The following NTRK3 variants were observed in gnomAD, a reference collection of about 807,000 sequenced individuals.
NTRK3 encodes NT-3 growth factor receptor.
In NTRK3, 24 loss-of-function variants were observed where a neutral mutation model predicts 91.7. That is an observed-to-expected ratio of 0.26 (90% confidence interval 0.19 to 0.37). The LOEUF is 0.37. NTRK3 is among the 10% of genes least tolerant of loss of function. The pLI, the probability that NTRK3 is intolerant of heterozygous loss-of-function variation, is 1.00. For missense variants in NTRK3, 880 were observed against 1,068.9 expected, an observed-to-expected ratio of 0.82 and a Z score of 2.46; for synonymous variants, 483 against 404.0, an observed-to-expected ratio of 1.20 and a Z score of -2.34.
At chr15:88,201,992 C>T (rs927158819) in intron 3 of NTRK3, among the ~76,000 whole-genome samples, 1 of 151,164 alleles carries the variant, frequency 6.6e-6, no homozygotes, top group African/African-American at 2.5e-5. Flanking sequence ...GGTGCCCTTC[C>T]AACAGGTCTG....
At chr15:88,049,410 A>C (rs970090686) in intron 13 of NTRK3, among the ~76,000 whole-genome samples, 1 of 152,146 alleles carries the variant, frequency 6.6e-6, no homozygotes, top group Non-Finnish European at 1.5e-5. Context: ...TAAAAACCCC[A>C]CAGTGTTTTA....
At chr15:88,148,982 T>C (rs917558109) in intron 5 of NTRK3, among the ~76,000 whole-genome samples, 1 of 152,176 alleles carries the variant, frequency 6.6e-6, no homozygotes, top group Non-Finnish European at 1.5e-5. Context: ...AAGGATCACA[T>C]GGAGGCGATG....
At chr15:88,113,846 A>T (rs1445502679) in intron 13 of NTRK3, among the ~76,000 whole-genome samples, 1 of 128,704 alleles carries the variant, frequency 7.8e-6, no homozygotes, top group Non-Finnish European at 1.7e-5. Flanking sequence ...CTGCTCTTTT[A>T]TGAAAAAGTT....
chr15:88,153,790 G>A (rs1043662878), intron 5 of NTRK3, among the ~76,000 whole-genome samples: 5 of 151,630 alleles, frequency 3.3e-5, no homozygotes, highest in Admixed American at 1.3e-4. Flanking sequence ...TAGCTCTCGG[G>A]GGCCTCTTTT....
intron 13 of NTRK3, among the ~76,000 whole-genome samples, chr15:88,104,751 T>G (rs904621723): frequency 1.3e-5 from 2 of 152,132 alleles, no homozygotes; most frequent in Non-Finnish European, 2.9e-5. Flanking sequence ...TCAGGGGCAG[T>G]GAGGAGAAGG....
chr15:88,054,520 G>A (rs2045515990), intron 13 of NTRK3, among the ~76,000 whole-genome samples: 1 of 152,126 alleles, frequency 6.6e-6, no homozygotes, highest in Non-Finnish European at 1.5e-5. Flanking sequence ...CTTGCAAAAT[G>A]AGCAACTCAA....
chr15:88,024,583 G>C (rs2077868808), intron 14 of NTRK3, among the ~76,000 whole-genome samples: 1 of 152,224 alleles, frequency 6.6e-6, no homozygotes, highest in Non-Finnish European at 1.5e-5. Flanking sequence ...CAGCCAGGGA[G>C]GATGTAGGAC....
rs752675785 is a variant in NTRK3 at position 88,136,477 on chromosome 15, T to C, written c.755A>G (p.Asn252Ser). The change falls in exon 8 of 19, where the codon AAC (asparagine) becomes AGC (serine). Residue 252 changes from asparagine to serine, a missense_variant. Asn to Ser is a conservative substitution (Grantham distance 46). Transcript: ENST00000394480. ...GCCCAGGATGCCTACCTGGTGAGTG[T>C]TGATGGACTGCAGCCCAGTGACTAT... is the stretch of plus-strand genomic sequence containing the variant. 11 of 1,614,130 alleles carry C rather than the reference T, an allele frequency of 6.8e-6. No homozygotes were observed. The highest frequency in any genetic ancestry group is 1.1e-5 in the South Asian group (1 of 91,072).
chr15:87,894,728 G>A (rs200296463), intron 17 of NTRK3, among the ~76,000 whole-genome samples: 2 of 152,084 alleles, frequency 1.3e-5, no homozygotes, highest in East Asian at 3.8e-4. Flanking sequence ...TGTCTCAATA[G>A]TTCCTTCCCC....
intron 13 of NTRK3, chr15:88,072,888 G>A (rs973975356): frequency 8.6e-6 from 2 of 231,730 alleles, no homozygotes; most frequent in African/African-American, 4.4e-5. Flanking sequence ...CCCAGCATCA[G>A]CCCAGTCAAG....
At chr15:87,984,669 G>A (rs984685294) in intron 14 of NTRK3, among the ~76,000 whole-genome samples, 1 of 152,088 alleles carries the variant, frequency 6.6e-6, no homozygotes, top group African/African-American at 2.4e-5. Context: ...TAACACAAAT[G>A]GTCTTTTTAA....
chr15:87,918,013 G>C (rs1369421), intron 17 of NTRK3, among the ~76,000 whole-genome samples: 1 of 150,742 alleles, frequency 6.6e-6, no homozygotes, highest in Non-Finnish European at 1.5e-5. Context: ...TTTTTGTTTT[G>C]TATTTGTTTG....
chr15:88,074,048 G>C (rs999388897), intron 13 of NTRK3, among the ~76,000 whole-genome samples: 3 of 152,150 alleles, frequency 2.0e-5, no homozygotes, highest in African/African-American at 7.2e-5. Context: ...CTGTCTCTCC[G>C]GAATATGCAG....
chr15:87,962,731 T>A (rs2072418112), intron 14 of NTRK3, among the ~76,000 whole-genome samples: 1 of 152,198 alleles, frequency 6.6e-6, no homozygotes, highest in African/African-American at 2.4e-5. Flanking sequence ...CCACCCGATG[T>A]GTTCCAAGGA....
At chr15:87,983,566 G>C (rs889910615) in intron 14 of NTRK3, among the ~76,000 whole-genome samples, 2 of 152,106 alleles carry the variant, frequency 1.3e-5, no homozygotes, top group Admixed American at 6.5e-5. Context: ...ATCCCCAAAA[G>C]GTGGATAGTA....
intron 14 of NTRK3, among the ~76,000 whole-genome samples, chr15:88,004,406 A>T (rs1385078913): frequency 6.6e-6 from 1 of 152,222 alleles, no homozygotes; most frequent in Non-Finnish European, 1.5e-5. Flanking sequence ...TCATGTGGGC[A>T]AGAAAAGGGG....
At chr15:87,870,007 T>A (rs1436000500) in exon 19 of NTRK3, 1 of 193,020 alleles carries the variant, frequency 5.2e-6, no homozygotes, top group Non-Finnish European at 1.1e-5. Context: ...TGTAAAAGAA[T>A]GTCAGTAATC....
exon 19 of NTRK3, chr15:87,860,013 C>CAT (rs2064478965): frequency 5.1e-6 from 1 of 196,544 alleles, no homozygotes; most frequent in African/African-American, 2.3e-5. Flanking sequence ...CACATATATA[C>CAT]ATATATATGT....
intron 3 of NTRK3, among the ~76,000 whole-genome samples, chr15:88,254,377 G>T (rs2053772174): frequency 6.6e-6 from 1 of 152,144 alleles, no homozygotes; most frequent in Admixed American, 6.5e-5. Flanking sequence ...CCTCCCTGCT[G>T]ACCCCCGCCC....
Sources: gnomAD v4.1 joint callset for allele counts (sites outside exome capture counted in the v4.1 genomes callset) on GRCh38, gnomAD v4.1.1 for gene constraint, MANE v1.5 for transcripts, NCBI Gene and HGNC (gene_info 2026-07-23, HGNC 2026-07-21) for gene names.